SGCZ: variants seen among roughly 807,000 people sequenced by gnomAD.
The protein encoded by SGCZ is zeta-sarcoglycan.
SGCZ carries 40 observed loss-of-function variants against 41.3 expected under a neutral mutation model. That is an observed-to-expected ratio of 0.97 (90% confidence interval 0.75 to 1.26). SGCZ has a LOEUF of 1.26. Among genes scored for constraint, SGCZ ranks in the 50% most tolerant of loss-of-function variants. The pLI, the probability that SGCZ is intolerant of heterozygous loss-of-function variation, is 0.00. For synonymous variants in SGCZ, 206 were observed against 137.5 expected (o/e 1.50, Z -3.49); for missense variants, 552 against 369.8 (o/e 1.49, Z -4.04).
intron 1 of SGCZ, among the ~76,000 whole-genome samples, chr8:14,731,389 G>T (rs1585216036): frequency 6.6e-6 from 1 of 151,236 alleles, no homozygotes; most frequent in South Asian, 2.1e-4. Context: ...CTGTCAGGGG[G>T]TGGGGGGATA....
chr8:14,960,689 C>G (rs966264826), intron 1 of SGCZ, among the ~76,000 whole-genome samples: 9 of 152,090 alleles, frequency 5.9e-5, no homozygotes, highest in Middle Eastern at 3.4e-3. Context: ...ATGAAATACT[C>G]AAGCCATAAA....
At chr8:14,251,538 C>A (rs1294951367) in intron 3 of SGCZ, among the ~76,000 whole-genome samples, 5 of 152,168 alleles carry the variant, frequency 3.3e-5, no homozygotes, top group Non-Finnish European at 5.9e-5. Context: ...CAGTCAGCTG[C>A]AAGCCATAGT....
chr8:14,695,448 T>A (rs1393166557), intron 1 of SGCZ, among the ~76,000 whole-genome samples: 1 of 152,110 alleles, frequency 6.6e-6, no homozygotes, highest in East Asian at 1.9e-4. Context: ...AAAAGTACCA[T>A]GTAAGAGGAT....
chr8:14,550,817 T>G (rs924140718), intron 2 of SGCZ, among the ~76,000 whole-genome samples: 2 of 152,036 alleles, frequency 1.3e-5, no homozygotes, highest in Admixed American at 6.6e-5. Flanking sequence ...AGATGCCAAG[T>G]GACCAAATGG....
intron 5 of SGCZ, among the ~76,000 whole-genome samples, chr8:14,152,625 T>G (rs1235211996): frequency 6.6e-6 from 1 of 152,142 alleles, no homozygotes; most frequent in East Asian, 1.9e-4. Flanking sequence ...CAAAAAAAGT[T>G]TATAAAACAA....
In SGCZ at chr8:15,082,245, A is replaced by G. The variant is rs553892183; in HGVS notation, c.39+155340T>C. ...CTCTGTCTCAAAAAAAAATAAATAA[A>G]TAAAAATAAGAACTTCTTGTTAAAT... On this transcript the variant is annotated intron_variant, in intron 1 of 7. Coordinates refer to ENST00000382080, the MANE Select transcript of SGCZ (RefSeq NM_139167.4). Among the ~76,000 whole-genome samples, 8 of 152,162 alleles carry G rather than the reference A, an allele frequency of 5.3e-5. No homozygotes were observed. The East Asian group carries it at 1.5e-3, about 29-fold the overall frequency.
intron 3 of SGCZ, among the ~76,000 whole-genome samples, chr8:14,287,354 A>G (rs1343789079): frequency 6.6e-6 from 1 of 152,024 alleles, no homozygotes; most frequent in Admixed American, 6.6e-5. Context: ...AATTATTTAA[A>G]TAACAACCCT....
chr8:14,431,067 A>T (rs1489833360), intron 2 of SGCZ, among the ~76,000 whole-genome samples: 1 of 152,194 alleles, frequency 6.6e-6, no homozygotes, highest in Non-Finnish European at 1.5e-5. Flanking sequence ...AACACATCCC[A>T]TGCTCATGGA....
At chr8:14,680,119 AT>A (rs1405147449) in intron 1 of SGCZ, among the ~76,000 whole-genome samples, 1 of 152,108 alleles carries the variant, frequency 6.6e-6, no homozygotes, top group Non-Finnish European at 1.5e-5. Context: ...GAAGTCATGC[AT>A]GACTATATGT....
At chr8:14,315,258 A>T (rs1229197080) in intron 3 of SGCZ, among the ~76,000 whole-genome samples, 1 of 152,120 alleles carries the variant, frequency 6.6e-6, no homozygotes, top group African/African-American at 2.4e-5. Flanking sequence ...TCAAATTCAA[A>T]TCCAACTGAA....
chr8:14,438,349 A>G (rs2117359111), intron 2 of SGCZ, among the ~76,000 whole-genome samples: 1 of 152,100 alleles, frequency 6.6e-6, no homozygotes, highest in South Asian at 2.1e-4. Flanking sequence ...CATTTTCTGA[A>G]ATGGAAATCT....
chr8:14,483,110 T>A (rs1801579455), intron 2 of SGCZ, among the ~76,000 whole-genome samples: 1 of 152,156 alleles, frequency 6.6e-6, no homozygotes, highest in Non-Finnish European at 1.5e-5. Flanking sequence ...AACATTGAAA[T>A]CATCTGTGTG....
chr8:15,100,426 G>A (rs925090191), intron 1 of SGCZ, among the ~76,000 whole-genome samples: 14 of 147,802 alleles, frequency 9.5e-5, no homozygotes, highest in African/African-American at 2.0e-4. Flanking sequence ...GAGGAAAACC[G>A]CAAAATACTG....
chr8:14,704,556 T>G (rs147384921), intron 1 of SGCZ, among the ~76,000 whole-genome samples: 2 of 151,970 alleles, frequency 1.3e-5, no homozygotes, highest in Admixed American at 1.3e-4. Flanking sequence ...TGAAGTCAGA[T>G]AGAAATGAAA....
At chr8:14,730,214 G>C (rs1810190472) in intron 1 of SGCZ, among the ~76,000 whole-genome samples, 1 of 152,170 alleles carries the variant, frequency 6.6e-6, no homozygotes. Flanking sequence ...GCCGCACGAA[G>C]CTTTATGGTA....
chr8:14,478,325 C>A (rs911773723), intron 2 of SGCZ, among the ~76,000 whole-genome samples: 1 of 152,176 alleles, frequency 6.6e-6, no homozygotes, highest in Non-Finnish European at 1.5e-5. Context: ...GTAACACACT[C>A]AGATAATGAA....
chr8:14,395,265 G>GA (rs1798877470), intron 2 of SGCZ, among the ~76,000 whole-genome samples: 1 of 152,096 alleles, frequency 6.6e-6, no homozygotes, highest in African/African-American at 2.4e-5. Flanking sequence ...TGAAAATTCA[G>GA]ATGCATGTAT....
At chr8:14,355,623 G>C (rs949442646) in intron 2 of SGCZ, among the ~76,000 whole-genome samples, 1 of 151,790 alleles carries the variant, frequency 6.6e-6, no homozygotes, top group Non-Finnish European at 1.5e-5. Flanking sequence ...ATAAATCAAA[G>C]ATCTTTGGAA....
intron 1 of SGCZ, among the ~76,000 whole-genome samples, chr8:14,640,573 T>C (rs1021245525): frequency 2.6e-5 from 4 of 151,674 alleles, no homozygotes; most frequent in African/African-American, 9.7e-5. Flanking sequence ...ATATATAACA[T>C]GCAAATAAAA....
Sources: gnomAD v4.1 joint callset for allele counts (sites outside exome capture counted in the v4.1 genomes callset) on GRCh38, gnomAD v4.1.1 for gene constraint, MANE v1.5 for transcripts, NCBI Gene and HGNC (gene_info 2026-07-23, HGNC 2026-07-21) for gene names.